CACNA1H: variants seen among roughly 807,000 people sequenced by gnomAD.
CACNA1H encodes voltage-dependent T-type calcium channel subunit alpha-1H.
CACNA1H carries 149 observed loss-of-function variants against 192.5 expected under a neutral mutation model. The ratio of observed to expected loss-of-function variants is 0.77; its 90% CI spans 0.68 to 0.89. The LOEUF (loss-of-function observed/expected upper bound fraction) is 0.89, where lower values mean the gene tolerates loss of function less well. CACNA1H is among the 40% of genes least tolerant of loss of function. The pLI is 0.00. For missense variants in CACNA1H, 4,257 were observed against 3,423.5 expected (o/e 1.24, Z -6.08); for synonymous variants, 2,202 against 1,475.2 (o/e 1.49, Z -11.29).
At chr16:1,195,351 CGGGCTCTTGCGGGGCTGGGGTTGGG>C (rs1567494436) in intron 3 of CACNA1H, 56 bp from the exon 4 acceptor site, 3 of 1,344,798 alleles carry the variant, frequency 2.2e-6, no homozygotes. Context: ...GACTGGGGGC[CGGGCTCTTGCGGGGCTGGGGTTGGG>C]GGTTGTGGGC....
At chr16:1,208,795 C>T (rs940809705) in intron 16 of CACNA1H, among the ~76,000 whole-genome samples, 2 of 152,162 alleles carry the variant, frequency 1.3e-5, no homozygotes, top group African/African-American at 2.4e-5. Flanking sequence ...CTGGTTCTGG[C>T]CCCTGACCCA....
chr16:1,197,392 A>AC (rs1280368755), intron 5 of CACNA1H, among the ~76,000 whole-genome samples: 2 of 152,192 alleles, frequency 1.3e-5, no homozygotes, highest in Non-Finnish European at 2.9e-5. Flanking sequence ...AACCCAGCAC[A>AC]CACAGCCCCT....
chr16:1,189,349 G>A (rs1329557614), intron 2 of CACNA1H, among the ~76,000 whole-genome samples: 2 of 151,362 alleles, frequency 1.3e-5, no homozygotes, highest in African/African-American at 4.9e-5. Context: ...GTGAGGAAGG[G>A]GAGGTGGCCA....
At chr16:1,200,170 C>T (rs929544889) in intron 6 of CACNA1H, 86 bp from the exon 7 acceptor site, 2 of 1,130,622 alleles carry the variant, frequency 1.8e-6, no homozygotes, top group African/African-American at 1.6e-5. Context: ...TGACCTTGAT[C>T]ACGTCCCTGA....
intron 12 of CACNA1H, chr16:1,206,554 G>C (rs965096866): frequency 3.8e-6 from 2 of 522,366 alleles, no homozygotes; most frequent in Non-Finnish European, 6.8e-6. Flanking sequence ...CTCAAGAGCA[G>C]AATACCGGGG....
Position 1,180,574 on chromosome 16 carries a change from T to TG in CACNA1H, c.300-14391dup, listed in dbSNP as rs1244857201. Among the ~76,000 whole-genome samples, 2 of 144,666 alleles carry TG rather than the reference T, an allele frequency of 1.4e-5. No individual in the cohort carries two copies. The highest frequency in any genetic ancestry group is 2.1e-4 in the East Asian group (1 of 4,714). 94.9% of individuals were successfully genotyped at this position (144,666 alleles called of 152,430 possible). A position where few individuals can be genotyped will look rare whatever the true frequency, so the allele number is the denominator to read the frequency against. ...AGGGGCTGCAGTCACAGCCAGGCCGTGGGGGGGCCAGGGAGGAGGGGCTGC... is the reference window on the plus strand; with the variant it reads ...AGGGGCTGCAGTCACAGCCAGGCCGTGGGGGGGGCCAGGGAGGAGGGGCTGC... On this transcript the variant is annotated intron_variant, in intron 2 of 34. Transcript: ENST00000348261. The surrounding 1 kb of genome is among the most constrained non-coding windows in gnomAD (Gnocchi z 4.4).
In CACNA1H at chr16:1,218,965, C is replaced by T; in HGVS notation, c.5888-5C>T. ...GCTGCCAGCTTAGATTCTTCCCTGC[C>T]CCAGGCTCCGTTGCCTCTGTGCACT... On this transcript the variant is annotated splice_region_variant and splice_polypyrimidine_tract_variant and intron_variant, in intron 33 of 34. Transcript: ENST00000348261. 1.3e-6 allele frequency: 2 copies of T among 1,549,898 alleles called. No homozygotes were observed. Among genetic ancestry groups the T allele is most frequent in the South Asian group, 1.2e-5 (1 of 84,042 alleles).
Position 1,205,381 on chromosome 16 carries a change from A to G in CACNA1H, c.2603+116A>G, listed in dbSNP as rs529405237. ...GGAGGAAGTACGACGATAGCTCTTT[A>G]TGACAGGCCGTGGGAAGCAGGTGCT... is the stretch of plus-strand genomic sequence containing the variant. On this transcript the variant is annotated intron_variant, in intron 11 of 34. Transcript: ENST00000348261. 2.5e-5 allele frequency: 29 copies of G among 1,156,092 alleles called. No individual in the cohort carries two copies. The African/African-American group carries it at 2.9e-4, about 12-fold the overall frequency. 71.6% of individuals were successfully genotyped at this position (1,156,092 alleles called of 1,614,324 possible).
At chr16:1,178,713 A>T (rs973584832) in intron 2 of CACNA1H, among the ~76,000 whole-genome samples, 18 of 152,260 alleles carry the variant, frequency 1.2e-4, no homozygotes, top group African/African-American at 4.3e-4. Flanking sequence ...CCCCTGGCCA[A>T]ACCTGGCTCA....
At position 1,154,467 on chromosome 16, in the gene CACNA1H, G is replaced by A. The variant is rs533590083; in HGVS notation, c.299+431G>A. On this transcript the variant is annotated intron_variant, in intron 2 of 34. Transcript: ENST00000348261. ...CTCGCGGGGGAGGGGGAGGCCAGAGGAGCTGGAGTCAGGGGCGCAAAGTTT... is the reference window on the plus strand; with the variant it reads ...CTCGCGGGGGAGGGGGAGGCCAGAGAAGCTGGAGTCAGGGGCGCAAAGTTT... Among the ~76,000 whole-genome samples, 456 of 152,298 alleles carry A rather than the reference G, an allele frequency of 3.0e-3. 1 individual carries two copies. The highest frequency in any genetic ancestry group is 1.0e-2 in the African/African-American group (415 of 41,578).
intron 14 of CACNA1H, 47 bp from the exon 15 acceptor site, chr16:1,207,723 C>A (rs772889639): frequency 6.7e-7 from 1 of 1,493,970 alleles, no homozygotes; most frequent in African/African-American, 1.4e-5. Flanking sequence ...TGAAGGGTCC[C>A]CACTCACGGG....
chr16:1,221,722 G>T lies in CACNA1H; in HGVS notation c.*728G>T. 1 of 1,430,330 alleles carries T rather than the reference G, an allele frequency of 7.0e-7. No homozygotes were observed. 88.6% of individuals were successfully genotyped at this position (1,430,330 alleles called of 1,614,324 possible). Reference sequence around the variant, plus strand: ...GATGCAGAAGACTCAGCTTCTCAAGGGAGAGGGAGGGGGCGGAGCGGAATA... The same window carrying T: ...GATGCAGAAGACTCAGCTTCTCAAGTGAGAGGGAGGGGGCGGAGCGGAATA... On this transcript the variant is annotated 3_prime_UTR_variant, in exon 35 of 35. Transcript: ENST00000348261.
At chr16:1,199,867 C>T (rs1362873172) in intron 6 of CACNA1H, among the ~76,000 whole-genome samples, 2 of 152,106 alleles carry the variant, frequency 1.3e-5, no homozygotes, top group African/African-American at 2.4e-5. Flanking sequence ...CCCTCATCCG[C>T]TTCCAGGAGT....
intron 31 of CACNA1H, among the ~76,000 whole-genome samples, 175 bp downstream of exon 31, chr16:1,217,185 CGA>C (rs1009537565): frequency 1.3e-5 from 2 of 152,216 alleles, no homozygotes; most frequent in Non-Finnish European, 2.9e-5. Context: ...TGCACGAGGC[CGA>C]GTCTCGTGTT....
intron 9 of CACNA1H, among the ~76,000 whole-genome samples, chr16:1,203,731 C>G (rs75852667): frequency 6.6e-6 from 1 of 152,184 alleles, no homozygotes; most frequent in Non-Finnish European, 1.5e-5. Flanking sequence ...TCCCTGCGGT[C>G]TCTCTGTCTT....
At chr16:1,168,439 G>T (rs540835833) in intron 2 of CACNA1H, among the ~76,000 whole-genome samples, 2 of 152,180 alleles carry the variant, frequency 1.3e-5, no homozygotes, top group African/African-American at 4.8e-5. Flanking sequence ...GAGGCTGCTG[G>T]ACTTGTGATT....
chr16:1,206,904 GCCCCTCCCTCCTCCCACCCCCCTCCC>G, intron 12 of CACNA1H, 71 bp from the exon 13 acceptor site: 2 of 293,802 alleles, frequency 6.8e-6, no homozygotes, highest in Non-Finnish European at 6.6e-6. Context: ...AGCCAGTCCT[GCCCCTCCCTCCTCCCACCCCCCTCCC>G]GCTCCCCCAC....
At chr16:1,215,649 G>C (rs1276303329) in intron 30 of CACNA1H, 56 bp downstream of exon 30, 1 of 1,468,554 alleles carries the variant, frequency 6.8e-7, no homozygotes, top group Non-Finnish European at 9.3e-7. Context: ...GGGTTGCAGG[G>C]AGCGCCTCGC....
Position 1,215,560 on chromosome 16 carries a change from C to A in CACNA1H, c.5211C>A (p.Ala1737=). 6.2e-7 allele frequency: 1 copy of A among 1,611,928 alleles called. No homozygotes were observed. Among genetic ancestry groups the A allele is most frequent in the Non-Finnish European group, 8.5e-7 (1 of 1,179,584 alleles). The change falls in exon 30 of 35, where the codon GCC becomes GCA. Residue 1737 remains alanine, a synonymous_variant. Coordinates refer to ENST00000348261, the MANE Select transcript of CACNA1H (RefSeq NM_021098.3). The stretch of plus-strand genomic sequence containing the variant: ...TGAAGATGGCTACGGGCATGCGCGC[C>A]CTGCTGGACACTGTGGTGCAAGCTC... ...KLLKMATGMR[A]LLDTVVQALP...
Sources: allele counts gnomAD v4.1 joint callset (sites outside exome capture counted in the v4.1 genomes callset), GRCh38; gene constraint gnomAD v4.1.1; non-coding constraint Gnocchi (gnomAD v3.1); transcripts MANE v1.5; gene names NCBI Gene and HGNC (gene_info 2026-07-23, HGNC 2026-07-21).